MEI1: variants seen among roughly 807,000 people sequenced by gnomAD.
MEI1 encodes the protein meiotic double-stranded break formation protein 1.
MEI1 carries 103 observed loss-of-function variants against 146.2 expected under a neutral mutation model. The observed-to-expected ratio is 0.70, with a 90% CI of 0.60 to 0.83. MEI1 has a LOEUF of 0.83. Among genes scored for constraint, MEI1 ranks in the 40% least tolerant of loss-of-function variants. MEI1 has a pLI of 0.00. For missense variants in MEI1, 1,529 were observed against 1,533.0 expected, an observed-to-expected ratio of 1.00 and a Z score of 0.04; for synonymous variants, 652 against 628.2, an observed-to-expected ratio of 1.04 and a Z score of -0.57.
chr22:41,781,946 G>A, intron 24 of MEI1, 101 bp downstream of exon 24: 1 of 1,353,356 alleles, frequency 7.4e-7, no homozygotes, highest in Non-Finnish European at 1.0e-6. Context: ...TATTAGCTGT[G>A]TGACCTTGGC....
At chr22:41,768,189 CTGGGCAACA>C (rs2074969861) in intron 19 of MEI1, among the ~76,000 whole-genome samples, 1 of 152,118 alleles carries the variant, frequency 6.6e-6, no homozygotes, top group African/African-American at 2.4e-5. Flanking sequence ...TGAGAGCAGC[CTGGGCAACA>C]TGGTGAAACC....
chr22:41,716,004 C>T, intron 4 of MEI1, 37 bp from the exon 5 acceptor site: 1 of 1,453,392 alleles, frequency 6.9e-7, no homozygotes, highest in Non-Finnish European at 9.5e-7. Context: ...CTGTCCTGAT[C>T]CTAATTGACA....
At chr22:41,750,944 C>T (rs1258966550) in intron 15 of MEI1, among the ~76,000 whole-genome samples, 1 of 152,022 alleles carries the variant, frequency 6.6e-6, no homozygotes, top group Admixed American at 6.6e-5. Context: ...TCTTGGGGCG[C>T]TGGATGGGAG....
At chr22:41,727,755 C>T (rs2071494846) in intron 7 of MEI1, among the ~76,000 whole-genome samples, 1 of 152,042 alleles carries the variant, frequency 6.6e-6, no homozygotes. Flanking sequence ...CTGGTGGAAC[C>T]AACACAAGCT....
intron 21 of MEI1, 136 bp downstream of exon 21, chr22:41,776,403 C>G (rs1324036520): frequency 2.1e-6 from 2 of 943,638 alleles, no homozygotes; most frequent in African/African-American, 3.3e-5. Flanking sequence ...ATTGTGGCAT[C>G]AAGCTAAACT....
At chr22:41,748,805 C>CT (rs958065410) in intron 15 of MEI1, among the ~76,000 whole-genome samples, 191 of 143,386 alleles carry the variant, frequency 1.3e-3, no homozygotes, top group Middle Eastern at 3.5e-3. Flanking sequence ...GTAGAACATG[C>CT]TTTTTTTTTT....
At chr22:41,734,154 T>TAAAATA (rs1280308150) in intron 11 of MEI1, among the ~76,000 whole-genome samples, 2 of 150,864 alleles carry the variant, frequency 1.3e-5, no homozygotes, top group African/African-American at 4.9e-5. Context: ...TAAAATAAAA[T>TAAAATA]AAATAAAGTA....
Position 41,716,145 on chromosome 22 carries a change from T to C in MEI1, c.528T>C (p.His176=), listed in dbSNP as rs1201672856. 1.9e-6 allele frequency: 3 copies of C among 1,602,332 alleles called. No homozygotes were observed. The highest frequency in any genetic ancestry group is 2.6e-6 in the Non-Finnish European group (3 of 1,173,630). The change falls in exon 5 of 31, where the codon CAT becomes CAC. Residue 176 remains histidine, a splice_region_variant and synonymous_variant. Transcript: ENST00000401548. ...PALADELVME[H]GNLMEHLLRG... Reference sequence around the variant, plus strand: ...TGGCAGACGAGCTTGTAATGGAGCATGGTGAGTGACCTGTGGGAGGAGCTG... The same window carrying C: ...TGGCAGACGAGCTTGTAATGGAGCACGGTGAGTGACCTGTGGGAGGAGCTG...
At chr22:41,743,052 G>A (rs1204559612) in intron 11 of MEI1, 28 bp from the exon 12 acceptor site, 6 of 1,567,120 alleles carry the variant, frequency 3.8e-6, no homozygotes, top group East Asian at 2.3e-5. Context: ...GCCTTACCGT[G>A]AACCTGCTTT....
rs1374964103 is a variant in MEI1, at chr22:41,703,593, A to G, written c.298+139A>G. The G allele has an allele frequency of 3.7e-6, 3 of 820,298 alleles. No homozygotes were observed. The East Asian group carries it at 9.6e-5, about 26-fold the overall frequency. 50.8% of individuals were successfully genotyped at this position (820,298 alleles called of 1,614,324 possible). On this transcript the variant is annotated intron_variant, in intron 2 of 30. Coordinates refer to ENST00000401548, the MANE Select transcript of MEI1 (RefSeq NM_152513.4). The stretch of plus-strand genomic sequence containing the variant: ...TTTATCAGCAAATTGTTTTGTCATA[A>G]TGATGTAGAAATGGCCCTTTTTCTA...
rs1237658436 is a variant in MEI1, at chr22:41,753,983, C to T, written c.1888C>T (p.Leu630Phe). The T allele has an allele frequency of 6.2e-7, 1 of 1,613,600 alleles. No individual in the cohort carries two copies. Among genetic ancestry groups the T allele is most frequent in the Non-Finnish European group, 8.5e-7 (1 of 1,179,674 alleles). ...CCTAAACCAGGTGTGTTCCAATTTCCTCTACTATATGTGCCTCAACCTTCT... is the reference window on the plus strand; with the variant it reads ...CCTAAACCAGGTGTGTTCCAATTTCTTCTACTATATGTGCCTCAACCTTCT... ...SALNQVCSNF[L>F]YYMCLNLLSA... Residue 630 changes from leucine to phenylalanine, a missense_variant, in exon 17 of 31, where the codon CTC (leucine) becomes TTC (phenylalanine). Around this residue, in one of 3 missense-constraint regions of MEI1, gnomAD observed 1,212 missense variants for 1,178.9 expected, o/e 1.03. Transcript: ENST00000401548.
At chr22:41,715,340 T>C (rs1420372611) in intron 4 of MEI1, among the ~76,000 whole-genome samples, 1 of 152,102 alleles carries the variant, frequency 6.6e-6, no homozygotes, top group Non-Finnish European at 1.5e-5. Flanking sequence ...TGAAGCATAG[T>C]GCCTGGTATA....
In MEI1 at chr22:41,750,718, C is replaced by G. The variant is rs1601920661; in HGVS notation, c.1793-1873C>G. Reference sequence around the variant, plus strand: ...CCATGTGAGTTGGAATTCTTCTCACCTCTCTTACTTGTTTATTGAGATTGT... The same window carrying G: ...CCATGTGAGTTGGAATTCTTCTCACGTCTCTTACTTGTTTATTGAGATTGT... On this transcript the variant is annotated intron_variant, in intron 15 of 30. Coordinates refer to ENST00000401548, the MANE Select transcript of MEI1 (RefSeq NM_152513.4). Among the ~76,000 whole-genome samples, 3 of 152,228 alleles carry G rather than the reference C, an allele frequency of 2.0e-5. No individual in the cohort carries two copies. The South Asian group carries it at 6.2e-4, about 32-fold the overall frequency.
At chr22:41,700,103 C>A (rs1252300049) in intron 1 of MEI1, among the ~76,000 whole-genome samples, 1 of 152,116 alleles carries the variant, frequency 6.6e-6, no homozygotes, top group Non-Finnish European at 1.5e-5. Flanking sequence ...AGCCTCCCGC[C>A]ATTTCAGCCT....
intron 11 of MEI1, among the ~76,000 whole-genome samples, chr22:41,734,157 ATAAAG>A (rs1271164770): frequency 6.6e-6 from 1 of 151,946 alleles, no homozygotes; most frequent in African/African-American, 2.4e-5. Flanking sequence ...AATAAAATAA[ATAAAG>A]TATGCTGGAG....
chr22:41,737,427 G>T (rs1242655440), intron 11 of MEI1, among the ~76,000 whole-genome samples: 1 of 151,982 alleles, frequency 6.6e-6, no homozygotes, highest in African/African-American at 2.4e-5. Context: ...TTTTAGTAGA[G>T]AAGGGGTTTC....
intron 11 of MEI1, among the ~76,000 whole-genome samples, chr22:41,740,854 C>T (rs1172518714): frequency 6.6e-6 from 1 of 152,044 alleles, no homozygotes; most frequent in Non-Finnish European, 1.5e-5. Flanking sequence ...GGAAATCAAG[C>T]CGTAACCATA....
chr22:41,794,600 G>A (rs1322701853), intron 28 of MEI1, 123 bp downstream of exon 28: 1 of 746,842 alleles, frequency 1.3e-6, no homozygotes, highest in Non-Finnish European at 2.3e-6. Flanking sequence ...GGCTCGGCAG[G>A]CCTTCACCCT....
rs1309752023 is a variant in MEI1, at chr22:41,752,336, A to T, written c.1793-255A>T. 28 of 464,422 alleles carry T rather than the reference A, an allele frequency of 6.0e-5. No individual in the cohort carries two copies. The South Asian group carries it at 7.5e-4, about 12-fold the overall frequency. The allele number at this position is 464,422 out of a possible 1,614,324, so 28.8% of individuals were successfully genotyped here. A position where few individuals can be genotyped will look rare whatever the true frequency, so the allele number is the denominator to read the frequency against. Reference sequence around the variant, plus strand: ...TTATTGCAGCACTTACTTTGAGCCAAGTATTTGTTAGATGTTCTCCATACA... The same window carrying T: ...TTATTGCAGCACTTACTTTGAGCCATGTATTTGTTAGATGTTCTCCATACA... On this transcript the variant is annotated intron_variant, in intron 15 of 30. Coordinates refer to ENST00000401548, the MANE Select transcript of MEI1 (RefSeq NM_152513.4).
Sources: gnomAD v4.1 joint callset for allele counts (sites outside exome capture counted in the v4.1 genomes callset) on GRCh38, gnomAD v4.1.1 for gene constraint, gnomAD v4.1.1 regional missense constraint, MANE v1.5 for transcripts, NCBI Gene and HGNC (gene_info 2026-07-23, HGNC 2026-07-21) for gene names.